RGS20: variants seen among roughly 807,000 people sequenced by gnomAD.
The protein encoded by RGS20 is gz-selective GTPase-activating protein.
A neutral mutation model predicts 33.6 loss-of-function variants in RGS20; 30 were observed. That is an observed-to-expected ratio of 0.89 (90% CI 0.67 to 1.21). The LOEUF (loss-of-function observed/expected upper bound fraction) is 1.21, where lower values mean the gene tolerates loss of function less well. Among genes scored for constraint, RGS20 ranks in the 50% most tolerant of loss-of-function variants. The probability of loss-of-function intolerance (pLI) is 0.00; values close to 1 mark genes in which losing one functional copy is unlikely to be tolerated. For synonymous variants in RGS20, 208 were observed against 197.9 expected, an observed-to-expected ratio of 1.05 and a Z score of -0.43; for missense variants, 472 against 502.4, an observed-to-expected ratio of 0.94 and a Z score of 0.58.
intron 5 of RGS20, 138 bp from the exon 5 acceptor site, chr8:53,958,132 T>C (rs1814926792): frequency 1.6e-6 from 1 of 608,106 alleles, no homozygotes; most frequent in Non-Finnish European, 2.7e-6. Context: ...TAAGACTCTG[T>C]CTCAAAACAA....
chr8:53,914,860 C>T (rs535591953), intron 2 of RGS20: 1 of 152,180 alleles, frequency 6.6e-6, no homozygotes, highest in Admixed American at 6.5e-5. Flanking sequence ...AATGTTTAGT[C>T]CCTGCCAGGC....
intron 2 of RGS20, among the ~76,000 whole-genome samples, chr8:53,925,207 C>T (rs1035227536): frequency 2.0e-5 from 3 of 152,150 alleles, no homozygotes; most frequent in African/African-American, 7.2e-5. Context: ...TTGCTTGGAA[C>T]AGAATCAGTG....
chr8:53,919,700 G>C (rs1813591593), intron 2 of RGS20, among the ~76,000 whole-genome samples: 1 of 148,552 alleles, frequency 6.7e-6, no homozygotes, highest in Non-Finnish European at 1.5e-5. Flanking sequence ...GATCACCTGA[G>C]CCCAGGTGTT....
chr8:53,949,543 C>A (rs1814651473), intron 4 of RGS20, among the ~76,000 whole-genome samples: 1 of 151,712 alleles, frequency 6.6e-6, no homozygotes, highest in Admixed American at 6.6e-5. Context: ...ATGGTGAAAC[C>A]CCTTTTCTAT....
chr8:53,884,580 A>G (rs1178031675), intron 2 of RGS20, among the ~76,000 whole-genome samples: 1 of 152,172 alleles, frequency 6.6e-6, no homozygotes, highest in East Asian at 1.9e-4. Flanking sequence ...ATGAGGAAAC[A>G]TTCAGAGAGG....
At chr8:53,924,851 A>G (rs1476969995) in intron 2 of RGS20, among the ~76,000 whole-genome samples, 1 of 152,230 alleles carries the variant, frequency 6.6e-6, no homozygotes, top group Non-Finnish European at 1.5e-5. Flanking sequence ...ATTCCAGACC[A>G]TAGAGATGTC....
chr8:53,914,694 C>T (rs559493062), intron 2 of RGS20: 3 of 152,222 alleles, frequency 2.0e-5, no homozygotes, highest in South Asian at 2.1e-4. Context: ...AGAACAGTCT[C>T]ATTTTCAGGC....
intron 2 of RGS20, among the ~76,000 whole-genome samples, chr8:53,926,432 G>A (rs1310374287): frequency 6.6e-6 from 1 of 152,010 alleles, no homozygotes; most frequent in African/African-American, 2.4e-5. Context: ...ATATCTTTCT[G>A]GAACAGGAAC....
intron 2 of RGS20, among the ~76,000 whole-genome samples, chr8:53,908,115 A>G (rs925872346): frequency 1.3e-5 from 2 of 152,224 alleles, no homozygotes; most frequent in Non-Finnish European, 2.9e-5. Flanking sequence ...TGAAAACGGC[A>G]TATGCATATG....
At chr8:53,863,788 G>A (rs577904829) in intron 1 of RGS20, among the ~76,000 whole-genome samples, 4 of 144,878 alleles carry the variant, frequency 2.8e-5, no homozygotes, top group African/African-American at 5.2e-5. Context: ...GTGCAATGGC[G>A]CCAACTCGGC....
At chr8:53,948,317 CAT>C (rs1491077947) in intron 4 of RGS20, among the ~76,000 whole-genome samples, 3 of 137,786 alleles carry the variant, frequency 2.2e-5, no homozygotes, top group Non-Finnish European at 4.6e-5. Flanking sequence ...AGTATATATA[CAT>C]ATGCTATATA....
chr8:53,871,314 C>G (rs1317801085), intron 1 of RGS20, among the ~76,000 whole-genome samples: 3 of 151,978 alleles, frequency 2.0e-5, no homozygotes, highest in Non-Finnish European at 4.4e-5. Flanking sequence ...TCAGAATTAT[C>G]CCTTGATCTG....
intron 2 of RGS20, among the ~76,000 whole-genome samples, chr8:53,896,276 TC>T (rs1348720822): frequency 6.6e-6 from 1 of 151,530 alleles, no homozygotes; most frequent in Non-Finnish European, 1.5e-5. Flanking sequence ...TGAGATGCTG[TC>T]CCCCCCAAAA....
At chr8:53,855,135 G>C (rs2375863) in intron 1 of RGS20, among the ~76,000 whole-genome samples, 6,998 of 152,066 alleles carry the variant, frequency 0.046, 207 homozygotes, top group East Asian at 0.14. Flanking sequence ...GGCAATCTCG[G>C]CTCACTGCAA....
At chr8:53,937,966 G>GAA (rs1257983685) in intron 2 of RGS20, among the ~76,000 whole-genome samples, 1 of 152,202 alleles carries the variant, frequency 6.6e-6, no homozygotes, top group Non-Finnish European at 1.5e-5. Flanking sequence ...CATTGTGGGA[G>GAA]ACAGTGTGAT....
At chr8:53,895,648 CT>C (rs564840669) in intron 2 of RGS20, among the ~76,000 whole-genome samples, 649 of 142,408 alleles carry the variant, frequency 4.6e-3, no homozygotes, top group African/African-American at 5.9e-3. Flanking sequence ...CTTTTTATTC[CT>C]TTTTTTTTTT....
At chr8:53,871,135 A>G (rs1812057041) in intron 1 of RGS20, among the ~76,000 whole-genome samples, 1 of 150,458 alleles carries the variant, frequency 6.6e-6, no homozygotes, top group African/African-American at 2.5e-5. Flanking sequence ...AAAAAAAAAA[A>G]AAAAAAGATT....
chr8:53,934,570 C>T (rs1401056718), intron 2 of RGS20, among the ~76,000 whole-genome samples: 2 of 152,146 alleles, frequency 1.3e-5, no homozygotes, highest in Non-Finnish European at 2.9e-5. Flanking sequence ...CTATCCTAAA[C>T]ATATATGCAC....
chr8:53,958,507 G>C lies in RGS20; in HGVS notation c.*49G>C. On this transcript the variant is annotated 3_prime_UTR_variant, in exon 6 of 6. Coordinates refer to ENST00000297313, the MANE Select transcript of RGS20 (RefSeq NM_170587.4). ...TAATAAAATAATAAAAGAATTCATG[G>C]GCTACAACTAGCACAGGGAATTTAG... 3.8e-6 allele frequency: 4 copies of C among 1,056,466 alleles called. No homozygotes were observed. Among genetic ancestry groups the C allele is most frequent in the Non-Finnish European group, 5.0e-6 (4 of 795,386 alleles). 65.4% of individuals were successfully genotyped at this position (1,056,466 alleles called of 1,614,324 possible).
Sources: gnomAD v4.1 joint callset for allele counts (sites outside exome capture counted in the v4.1 genomes callset) on GRCh38, gnomAD v4.1.1 for gene constraint, MANE v1.5 for transcripts, NCBI Gene and HGNC (gene_info 2026-07-23, HGNC 2026-07-21) for gene names.